RBMS2: variants seen among roughly 807,000 people sequenced by gnomAD.
RBMS2 encodes RNA binding motif single stranded interacting protein 2, also known as RNA-binding motif, single-stranded-interacting protein 2.
RBMS2 carries 38 observed loss-of-function variants against 58.4 expected under a neutral mutation model. The ratio of observed to expected loss-of-function variants is 0.65; its 90% CI spans 0.50 to 0.85. The LOEUF (loss-of-function observed/expected upper bound fraction) is 0.85. Ranked by LOEUF, RBMS2 falls within the 40% of genes least tolerant of loss-of-function variation. The pLI is 0.00. For missense variants in RBMS2, 367 were observed against 503.7 expected (o/e 0.73, Z 2.60); for synonymous variants, 151 against 180.7 (o/e 0.84, Z 1.32).
chr12:56,544,576 G>A (rs547131962), intron 1 of RBMS2, among the ~76,000 whole-genome samples: 13 of 151,970 alleles, frequency 8.6e-5, no homozygotes, highest in Non-Finnish European at 1.8e-4. Flanking sequence ...GTCTTCTTCT[G>A]TCTACCCATC....
At chr12:56,571,593 G>A (rs1449494940) in intron 4 of RBMS2, 105 bp from the exon 5 acceptor site, 28 of 1,245,872 alleles carry the variant, frequency 2.2e-5, no homozygotes, top group Non-Finnish European at 2.7e-5. Flanking sequence ...GTTTATGTGG[G>A]ACCCTTCCTA....
chr12:56,522,478 T>C (rs1208922391), intron 1 of RBMS2, among the ~76,000 whole-genome samples: 1 of 152,132 alleles, frequency 6.6e-6, no homozygotes, highest in African/African-American at 2.4e-5. Context: ...ATTAACTGTT[T>C]CCATTCTCTC....
Position 56,594,008 on chromosome 12 carries a change from C to A in RBMS2, c.*4875C>A, listed in dbSNP as rs745906368. 5 of 152,356 alleles carry A rather than the reference C, an allele frequency of 3.3e-5. No homozygotes were observed. Among genetic ancestry groups the A allele is most frequent in the Non-Finnish European group, 5.9e-5 (4 of 68,162 alleles). The allele number at this position is 152,356 out of a possible 1,614,324, so 9.4% of individuals were successfully genotyped here. The stretch of plus-strand genomic sequence containing the variant: ...AGACTTTGCTGCTTCACAGGCCATG[C>A]GCTGGGTTGGGCCACTTCAGCTCCA... On this transcript the variant is annotated 3_prime_UTR_variant, in exon 14 of 14. Transcript: ENST00000262031.
chr12:56,522,169 T>C, intron 1 of RBMS2, 80 bp downstream of exon 1: 1 of 1,191,212 alleles, frequency 8.4e-7, no homozygotes, highest in Non-Finnish European at 1.2e-6. Context: ...TACATTCTTT[T>C]TAAAGAGGGG....
chr12:56,562,315 A>T, intron 1 of RBMS2, 102 bp from the exon 2 acceptor site: 1 of 1,126,496 alleles, frequency 8.9e-7, no homozygotes, highest in Admixed American at 2.3e-5. Flanking sequence ...ATTTGTGATT[A>T]TATATAGTTT....
chr12:56,540,676 G>A (rs1046669974), intron 1 of RBMS2, among the ~76,000 whole-genome samples: 2 of 152,128 alleles, frequency 1.3e-5, no homozygotes, highest in African/African-American at 2.4e-5. Context: ...AACCACACCT[G>A]GCTACCTGCA....
intron 5 of RBMS2, among the ~76,000 whole-genome samples, chr12:56,576,653 C>T (rs1883173338): frequency 6.6e-6 from 1 of 151,946 alleles, no homozygotes; most frequent in East Asian, 1.9e-4. Flanking sequence ...TATTCCATTT[C>T]TCTATAGAAT....
intron 5 of RBMS2, chr12:56,573,104 G>A: frequency 1.0e-6 from 1 of 976,326 alleles, no homozygotes; most frequent in Non-Finnish European, 1.2e-6. Context: ...AGTGAGCCAA[G>A]CACCCCTTTT....
chr12:56,573,476 CAAAAAA>C (rs71081382), intron 5 of RBMS2, among the ~76,000 whole-genome samples: 2 of 59,682 alleles, frequency 3.4e-5, no homozygotes, highest in African/African-American at 6.9e-5. Context: ...GACGCCATCT[CAAAAAA>C]AAAAAAAAAA....
intron 1 of RBMS2, among the ~76,000 whole-genome samples, chr12:56,524,726 T>C (rs543787962): frequency 6.6e-6 from 1 of 151,594 alleles, no homozygotes; most frequent in African/African-American, 2.4e-5. Context: ...ATATTTTTAT[T>C]TATTTATTTG....
rs546911201 is a variant in RBMS2, at chr12:56,561,132, A to G, written c.67-1285A>G. Among the ~76,000 whole-genome samples the G allele has an allele frequency of 3.9e-5, 6 of 152,250 alleles. No homozygotes were observed. In the South Asian group the frequency reaches 8.3e-4, roughly 21 times the overall value. Reference sequence around the variant, plus strand: ...TATGGCTCCGTAGTATTCCATGTGTATATGTACAATCTTTTCTTTATTCAG... The same window carrying G: ...TATGGCTCCGTAGTATTCCATGTGTGTATGTACAATCTTTTCTTTATTCAG... On this transcript the variant is annotated intron_variant, in intron 1 of 13. Transcript: ENST00000262031.
At chr12:56,525,575 G>A (rs1872525956) in intron 1 of RBMS2, among the ~76,000 whole-genome samples, 1 of 152,142 alleles carries the variant, frequency 6.6e-6, no homozygotes, top group African/African-American at 2.4e-5. Flanking sequence ...CTGGGCTGGA[G>A]GACAGTGCCA....
At position 56,530,190 on chromosome 12, in the gene RBMS2, G is replaced by A. The variant is rs568792422; in HGVS notation, c.66+8101G>A. 8.0e-5 allele frequency among the ~76,000 whole-genome samples: 12 copies of A among 150,674 alleles called. No individual in the cohort carries two copies. In the East Asian group the frequency reaches 2.4e-3, roughly 30 times the overall value. ...CCCAGAGTGCTGGGATTACAGGCGT[G>A]AGCCACTGTGCCTAGTCCTGAATTT... On this transcript the variant is annotated intron_variant, in intron 1 of 13. Transcript: ENST00000262031.
rs1236609177 is a variant in RBMS2 at position 56,562,526 on chromosome 12, A to G, written c.176A>G (p.Tyr59Cys). The G allele has an allele frequency of 9.3e-6, 15 of 1,612,268 alleles. No individual in the cohort carries two copies. The Admixed American group carries it at 2.3e-4, about 25-fold the overall frequency. The change falls in exon 2 of 14, where the codon TAC becomes TGC. Residue 59 changes from tyrosine to cysteine, a missense_variant. Transcript: ENST00000262031. ...GNDQLSKTNL[Y>C]IRGLQPGTTD... Reference sequence around the variant, plus strand: ...GACCAGCTGAGCAAAACCAACCTATACATCCGAGGATTGCAACCAGGCACT... The same window carrying G: ...GACCAGCTGAGCAAAACCAACCTATGCATCCGAGGATTGCAACCAGGCACT...
In RBMS2 at chr12:56,569,158, C is replaced by T. The variant is rs375627738; in HGVS notation, c.292+125C>T. 5.3e-5 allele frequency: 44 copies of T among 828,624 alleles called. 2 individuals are homozygous for T. The highest frequency in any genetic ancestry group is 2.3e-4 in the Admixed American group (9 of 38,472). The allele number at this position is 828,624 out of a possible 1,614,324, so 51.3% of individuals were successfully genotyped here. A position where few individuals can be genotyped will look rare whatever the true frequency, so the allele number is the denominator to read the frequency against. On this transcript the variant is annotated intron_variant, in intron 3 of 13. Transcript: ENST00000262031. Reference sequence around the variant, plus strand: ...GCGAGAAGTCCCTGAAGTTTTTAGGCTTAAAAGATTAGGAGATATTTAGAT... The same window carrying T: ...GCGAGAAGTCCCTGAAGTTTTTAGGTTTAAAAGATTAGGAGATATTTAGAT...
At chr12:56,549,286 G>A (rs960802304) in intron 1 of RBMS2, among the ~76,000 whole-genome samples, 1 of 151,778 alleles carries the variant, frequency 6.6e-6, no homozygotes, top group African/African-American at 2.4e-5. Context: ...TGAGCCACTG[G>A]GCCGGGCCAG....
At chr12:56,540,906 G>C (rs531267639) in intron 1 of RBMS2, among the ~76,000 whole-genome samples, 1 of 152,280 alleles carries the variant, frequency 6.6e-6, no homozygotes, top group African/African-American at 2.4e-5. Context: ...TTCAAGACCA[G>C]ACTAGGTAAC....
intron 1 of RBMS2, among the ~76,000 whole-genome samples, chr12:56,560,646 C>A (rs993851904): frequency 6.6e-6 from 1 of 152,152 alleles, no homozygotes; most frequent in African/African-American, 2.4e-5. Flanking sequence ...TCTCTCACCT[C>A]AGCCTCCCAA....
chr12:56,566,166 C>T (rs1417698758), intron 2 of RBMS2, among the ~76,000 whole-genome samples: 1 of 152,124 alleles, frequency 6.6e-6, no homozygotes, highest in African/African-American at 2.4e-5. Flanking sequence ...CTGTCTAATC[C>T]TTTGGATCAC....
Sources: gnomAD v4.1 joint callset for allele counts (sites outside exome capture counted in the v4.1 genomes callset) on GRCh38, gnomAD v4.1.1 for gene constraint, MANE v1.5 for transcripts, NCBI Gene and HGNC (gene_info 2026-07-23, HGNC 2026-07-21) for gene names.